Variants in TSEN2 observed in about 807,000 individuals in gnomAD.
TSEN2 encodes tRNA-splicing endonuclease subunit Sen2.
TSEN2 carries 54 observed loss-of-function variants against 59.2 expected under a neutral mutation model. That is an observed-to-expected ratio of 0.91 (90% CI 0.73 to 1.14). The LOEUF is 1.14. Among genes scored for constraint, TSEN2 ranks in the 50% most tolerant of loss-of-function variants. The pLI is 0.00. For synonymous variants in TSEN2, 195 were observed against 198.2 expected (o/e 0.98, Z 0.14); for missense variants, 636 against 576.2 (o/e 1.10, Z -1.06).
At chr3:12,493,758 C>T (rs180875316) in intron 3 of TSEN2, among the ~76,000 whole-genome samples, 117 of 152,162 alleles carry the variant, frequency 7.7e-4, no homozygotes, top group African/African-American at 2.8e-3. Context: ...GAGCAAGACT[C>T]CATTTCTAAA....
chr3:12,524,681 G>A (rs1400108721), intron 8 of TSEN2, among the ~76,000 whole-genome samples: 10 of 151,588 alleles, frequency 6.6e-5, no homozygotes, highest in African/African-American at 2.2e-4. Flanking sequence ...TCAGGGATTA[G>A]GACATGAACA....
chr3:12,502,481 A>C (rs897776519), intron 4 of TSEN2, among the ~76,000 whole-genome samples: 1 of 152,098 alleles, frequency 6.6e-6, no homozygotes, highest in Admixed American at 6.5e-5. Flanking sequence ...GGTTACAGTG[A>C]GCCGAAATCG....
intron 7 of TSEN2, 70 bp downstream of exon 7, chr3:12,516,731 C>T (rs1005023715): frequency 7.4e-7 from 1 of 1,352,750 alleles, no homozygotes; most frequent in African/African-American, 1.4e-5. Flanking sequence ...GTACTAATTT[C>T]TATATTGCAT....
At chr3:12,535,994 G>C (rs1433807059), downstream of TSEN2, among the ~76,000 whole-genome samples, 2 of 152,156 alleles carry the variant, frequency 1.3e-5, no homozygotes, top group Non-Finnish European at 2.9e-5. Flanking sequence ...TGAATGAAAT[G>C]AGATGACATA....
chr3:12,500,971 G>A (rs929394249), intron 4 of TSEN2, among the ~76,000 whole-genome samples: 3 of 152,132 alleles, frequency 2.0e-5, no homozygotes, highest in East Asian at 3.8e-4. Context: ...TTTGAGTCAC[G>A]GAATTTGGCA....
chr3:12,480,528 G>GGTTTTTTTTTTTTTTTTTTTTTTTT (rs1553565213), upstream of TSEN2, among the ~76,000 whole-genome samples: 13 of 91,752 alleles, frequency 1.4e-4, no homozygotes, highest in African/African-American at 2.8e-4. Context: ...TTGTTTCTTT[G>GGTTTTTTTTTTTTTTTTTTTTTTTT]TTTTTTTTTT....
At chr3:12,486,105 G>A (rs937806228) in intron 1 of TSEN2, among the ~76,000 whole-genome samples, 9 of 152,160 alleles carry the variant, frequency 5.9e-5, no homozygotes, top group Non-Finnish European at 8.8e-5. Flanking sequence ...GGTAGGGGGT[G>A]AGTCCTGGAA....
downstream of TSEN2, among the ~76,000 whole-genome samples, chr3:12,536,602 T>C (rs529821325): frequency 6.6e-6 from 1 of 152,284 alleles, no homozygotes; most frequent in Non-Finnish European, 1.5e-5. Flanking sequence ...GGAGTCTCAG[T>C]TCATAATTCT....
chr3:12,506,731 C>T, intron 6 of TSEN2: 3 of 985,330 alleles, frequency 3.0e-6, no homozygotes, highest in Non-Finnish European at 3.6e-6. Context: ...GTCTTTTCTG[C>T]CTTTGAAGCT....
chr3:12,519,820 A>G (rs910713616), intron 8 of TSEN2, among the ~76,000 whole-genome samples: 1 of 152,144 alleles, frequency 6.6e-6, no homozygotes, highest in Non-Finnish European at 1.5e-5. Flanking sequence ...GTAATTTGGG[A>G]GAGTCCCTTA....
intron 1 of TSEN2, among the ~76,000 whole-genome samples, chr3:12,485,506 T>C (rs2052522411): frequency 6.6e-6 from 1 of 152,142 alleles, no homozygotes; most frequent in South Asian, 2.1e-4. Flanking sequence ...AAAATAGTCT[T>C]TACCTCCGGG....
At position 12,529,968 on chromosome 3, in the gene TSEN2, A is replaced by G. The variant is rs1310364880; in HGVS notation, c.1248+95A>G. 1.9e-6 allele frequency: 3 copies of G among 1,540,964 alleles called. No individual in the cohort carries two copies. In the African/African-American group the frequency reaches 4.2e-5, roughly 22 times the overall value. ...TAGTAGAATCAAAAAAGTTAGTTGT[A>G]GAAACTTCATAACATTCCTGCCAGT... is the stretch of plus-strand genomic sequence containing the variant. On this transcript the variant is annotated intron_variant, in intron 10 of 11. Coordinates refer to ENST00000284995, the MANE Select transcript of TSEN2 (RefSeq NM_025265.4).
At chr3:12,535,347 A>G (rs299629), downstream of TSEN2, among the ~76,000 whole-genome samples, 61,652 of 151,972 alleles carry the variant, frequency 0.41, 13,641 homozygotes, top group African/African-American at 0.58. Context: ...ATTTGAGTCT[A>G]TCTAATTTTG....
intron 6 of TSEN2, chr3:12,514,706 G>A (rs1039938561): frequency 2.6e-5 from 4 of 152,092 alleles, no homozygotes; most frequent in African/African-American, 9.7e-5. Flanking sequence ...AATAATAATA[G>A]TGATGTCTTC....
intron 11 of TSEN2, among the ~76,000 whole-genome samples, chr3:12,532,033 C>T (rs2057492174): frequency 6.6e-6 from 1 of 152,132 alleles, no homozygotes; most frequent in Non-Finnish European, 1.5e-5. Context: ...AACCAAGGCG[C>T]CTCCTGTCAT....
chr3:12,496,175 G>A (rs1196986321), intron 3 of TSEN2, among the ~76,000 whole-genome samples: 1 of 152,194 alleles, frequency 6.6e-6, no homozygotes, highest in Non-Finnish European at 1.5e-5. Context: ...CATACCTCTA[G>A]GGCCTCAGCA....
Position 12,519,115 on chromosome 3 carries a change from C to G in TSEN2, c.1017C>G (p.Phe339Leu). Residue 339 changes from phenylalanine to leucine, a missense_variant, in exon 8 of 12, where the codon TTC (phenylalanine) becomes TTG (leucine). Coordinates refer to ENST00000284995, the MANE Select transcript of TSEN2 (RefSeq NM_025265.4). Reference sequence around the variant, plus strand: ...CTTTCACTGTAGTTCAGCCCACGTTCAGAACCACCTACATGGCCTACCATT... The same window carrying G: ...CTTTCACTGTAGTTCAGCCCACGTTGAGAACCACCTACATGGCCTACCATT... ...WKAFTVVQPT[F>L]RTTYMAYHYF... is the part of the protein sequence containing the mutation. 6.2e-7 allele frequency: 1 copy of G among 1,614,220 alleles called. No individual in the cohort carries two copies. The highest frequency in any genetic ancestry group is 8.5e-7 in the Non-Finnish European group (1 of 1,180,044).
rs550928502 is a variant in TSEN2, at chr3:12,502,874, C to A, written c.309-388C>A. On this transcript the variant is annotated intron_variant, in intron 4 of 11. Coordinates refer to ENST00000284995, the MANE Select transcript of TSEN2 (RefSeq NM_025265.4). ...GGATCGTGAGGTCAGGAGATCGAGA[C>A]CATCCTGGCCAATATAGTGAAACCC... 5.9e-5 allele frequency among the ~76,000 whole-genome samples: 9 copies of A among 151,972 alleles called. No homozygotes were observed. The South Asian group carries it at 1.9e-3, about 32-fold the overall frequency.
At chr3:12,518,938 G>T in intron 7 of TSEN2, 121 bp from the exon 8 acceptor site, 1 of 967,806 alleles carries the variant, frequency 1.0e-6, no homozygotes. Context: ...TGCTCTGCTG[G>T]GGGAACTGCA....
Sources: gnomAD v4.1 joint callset for allele counts (sites outside exome capture counted in the v4.1 genomes callset) on GRCh38, gnomAD v4.1.1 for gene constraint, MANE v1.5 for transcripts, NCBI Gene and HGNC (gene_info 2026-07-23, HGNC 2026-07-21) for gene names.